FAM78B: variants seen among roughly 807,000 people sequenced by gnomAD.
The protein encoded by FAM78B is protein FAM78B.
FAM78B carries 10 observed loss-of-function variants against 20.0 expected under a neutral mutation model. That is an observed-to-expected ratio of 0.50 (90% CI 0.31 to 0.85). The LOEUF (loss-of-function observed/expected upper bound fraction) is 0.85, where lower values mean the gene tolerates loss of function less well. FAM78B is among the 40% of genes least tolerant of loss of function. The probability of loss-of-function intolerance (pLI) is 0.05; values close to 1 mark genes in which losing one functional copy is unlikely to be tolerated. For synonymous variants in FAM78B, 135 were observed against 132.8 expected, an observed-to-expected ratio of 1.02 and a Z score of -0.12; for missense variants, 283 against 345.0, an observed-to-expected ratio of 0.82 and a Z score of 1.42.
intron 1 of FAM78B, among the ~76,000 whole-genome samples, chr1:166,087,809 T>C (rs1344216202): frequency 2.0e-5 from 3 of 152,162 alleles, no homozygotes; most frequent in African/African-American, 7.2e-5. Context: ...TGTAGGCATC[T>C]AAGACAGTAT....
chr1:166,136,151 TG>T (rs1655055146), intron 1 of FAM78B, among the ~76,000 whole-genome samples: 1 of 152,162 alleles, frequency 6.6e-6, no homozygotes, highest in South Asian at 2.1e-4. Flanking sequence ...TGCTTGTCTG[TG>T]GGACCAGCTG....
chr1:166,103,500 A>G (rs1006809403), intron 1 of FAM78B, among the ~76,000 whole-genome samples: 1 of 152,218 alleles, frequency 6.6e-6, no homozygotes, highest in Non-Finnish European at 1.5e-5. Context: ...AATAGACACA[A>G]TAAAAAATGA....
chr1:166,124,521 C>T (rs1362028043), intron 1 of FAM78B, among the ~76,000 whole-genome samples: 2 of 152,168 alleles, frequency 1.3e-5, no homozygotes, highest in Non-Finnish European at 2.9e-5. Flanking sequence ...AGCAAGGAAA[C>T]TGAGGCACAG....
At chr1:166,125,660 A>G (rs1654614385) in intron 1 of FAM78B, among the ~76,000 whole-genome samples, 1 of 152,144 alleles carries the variant, frequency 6.6e-6, no homozygotes, top group Non-Finnish European at 1.5e-5. Flanking sequence ...AGATGCACAA[A>G]TCCCATATAT....
chr1:166,096,335 T>C (rs1312090824), intron 1 of FAM78B, among the ~76,000 whole-genome samples: 1 of 152,208 alleles, frequency 6.6e-6, no homozygotes, highest in Non-Finnish European at 1.5e-5. Flanking sequence ...CACTCTGGCA[T>C]AACACAGTGA....
intron 1 of FAM78B, among the ~76,000 whole-genome samples, chr1:166,108,264 GCTC>G (rs1172217990): frequency 6.6e-6 from 1 of 152,082 alleles, no homozygotes; most frequent in African/African-American, 2.4e-5. Context: ...CCTCCAGAAA[GCTC>G]CTAGAACTGA....
intron 1 of FAM78B, among the ~76,000 whole-genome samples, chr1:166,126,715 C>T (rs1203055622): frequency 6.6e-6 from 1 of 152,090 alleles, no homozygotes; most frequent in African/African-American, 2.4e-5. Context: ...CACAATAATA[C>T]ATGATAATTA....
At chr1:166,106,542 G>T (rs1215885387) in intron 1 of FAM78B, among the ~76,000 whole-genome samples, 1 of 152,118 alleles carries the variant, frequency 6.6e-6, no homozygotes, top group African/African-American at 2.4e-5. Context: ...AGATGCAGCT[G>T]GAGGTCATTG....
At chr1:166,122,114 T>C (rs947638126) in intron 1 of FAM78B, among the ~76,000 whole-genome samples, 1 of 152,116 alleles carries the variant, frequency 6.6e-6, no homozygotes, top group African/African-American at 2.4e-5. Context: ...TTTTGGAAAG[T>C]TGGAAGTGAG....
chr1:166,076,410 A>C (rs1334263842), intron 1 of FAM78B, among the ~76,000 whole-genome samples: 1 of 152,024 alleles, frequency 6.6e-6, no homozygotes, highest in Non-Finnish European at 1.5e-5. Flanking sequence ...ATTCCTTTGG[A>C]TATCTGAAAG....
chr1:166,077,676 T>C (rs1161759520), intron 1 of FAM78B, among the ~76,000 whole-genome samples: 2 of 141,200 alleles, frequency 1.4e-5, no homozygotes, highest in East Asian at 2.0e-4. Context: ...CATATAATTA[T>C]ATATTTATAT....
At chr1:166,149,425 C>T (rs1655595625) in intron 1 of FAM78B, among the ~76,000 whole-genome samples, 2 of 152,272 alleles carry the variant, frequency 1.3e-5, no homozygotes, top group South Asian at 4.1e-4. Flanking sequence ...AGGAAGAAGA[C>T]TGGGATCTCC....
At chr1:166,155,073 T>C (rs1010120016) in intron 1 of FAM78B, among the ~76,000 whole-genome samples, 2 of 152,170 alleles carry the variant, frequency 1.3e-5, no homozygotes, top group African/African-American at 4.8e-5. Flanking sequence ...CTGGTTTCAT[T>C]ACTATCACAT....
downstream of FAM78B, among the ~76,000 whole-genome samples, chr1:166,056,836 T>C (rs1320194203): frequency 2.0e-5 from 3 of 152,198 alleles, no homozygotes; most frequent in Non-Finnish European, 4.4e-5. Flanking sequence ...TATGTTCCAA[T>C]ATTTGTATCC....
intron 1 of FAM78B, among the ~76,000 whole-genome samples, chr1:166,109,866 G>GTATATATATATA (rs1557903254): frequency 2.3e-4 from 4 of 17,166 alleles, no homozygotes; most frequent in Non-Finnish European, 4.7e-4. Context: ...ATATATGTAT[G>GTATATATATATA]TGTATATATA....
At chr1:166,079,845 G>A (rs1418131518) in intron 1 of FAM78B, among the ~76,000 whole-genome samples, 2 of 152,180 alleles carry the variant, frequency 1.3e-5, no homozygotes, top group Non-Finnish European at 2.9e-5. Flanking sequence ...AGCCTCAAAT[G>A]TTTGTTAGGG....
chr1:166,104,166 A>C (rs1653665899), intron 1 of FAM78B, among the ~76,000 whole-genome samples: 1 of 152,372 alleles, frequency 6.6e-6, no homozygotes, highest in Non-Finnish European at 1.5e-5. Context: ...CTTCATGCTA[A>C]AAACTCTCAA....
intron 1 of FAM78B, among the ~76,000 whole-genome samples, chr1:166,114,940 TCC>T (rs1175920349): frequency 6.6e-6 from 1 of 152,186 alleles, no homozygotes; most frequent in Non-Finnish European, 1.5e-5. Context: ...TGGAACAAGT[TCC>T]CTTTAGCCTT....
chr1:166,137,838 G>T (rs1279943246), intron 1 of FAM78B, among the ~76,000 whole-genome samples: 1 of 152,186 alleles, frequency 6.6e-6, no homozygotes, highest in East Asian at 1.9e-4. Context: ...TGCTTCAATT[G>T]CTCCATACCT....
Sources: allele counts gnomAD v4.1 joint callset (sites outside exome capture counted in the v4.1 genomes callset), GRCh38; gene constraint gnomAD v4.1.1; transcripts MANE v1.5; gene names NCBI Gene and HGNC (gene_info 2026-07-23, HGNC 2026-07-21).